Variants in ARHGEF26 observed in about 807,000 individuals in gnomAD.
ARHGEF26 encodes the protein Rho guanine nucleotide exchange factor (GEF) 26.
Under a neutral mutation model 89.4 loss-of-function variants are expected in ARHGEF26, and 59 were observed. That is an observed-to-expected ratio of 0.66 (90% CI 0.54 to 0.82). The LOEUF is 0.82. Among genes scored for constraint, ARHGEF26 ranks in the 40% least tolerant of loss-of-function variants. The probability of loss-of-function intolerance (pLI) is 0.00; values close to 1 mark genes in which losing one functional copy is unlikely to be tolerated. For synonymous variants in ARHGEF26, 500 were observed against 428.4 expected (o/e 1.17, Z -2.06); for missense variants, 1,234 against 1,085.6 (o/e 1.14, Z -1.92).
At chr3:154,242,955 C>T (rs754850216) in intron 12 of ARHGEF26, among the ~76,000 whole-genome samples, 8 of 152,124 alleles carry the variant, frequency 5.3e-5, no homozygotes, top group African/African-American at 2.4e-5. Flanking sequence ...TCTGTGTTTG[C>T]GGCTGTGGGG....
intron 9 of ARHGEF26, among the ~76,000 whole-genome samples, chr3:154,211,845 ATATG>A (rs1192050870): frequency 2.3e-5 from 3 of 130,388 alleles, no homozygotes; most frequent in African/African-American, 9.4e-5. Context: ...AAAATAATGT[ATATG>A]TGTGTGTGTA....
intron 9 of ARHGEF26, among the ~76,000 whole-genome samples, chr3:154,217,573 T>G (rs886405497): frequency 6.6e-6 from 1 of 152,196 alleles, no homozygotes. Context: ...GCACTCTGCT[T>G]AGATTTTGCC....
intron 6 of ARHGEF26, among the ~76,000 whole-genome samples, chr3:154,178,126 C>G (rs1459209386): frequency 2.0e-5 from 3 of 152,086 alleles, no homozygotes; most frequent in African/African-American, 7.2e-5. Flanking sequence ...ATCGCTTGAA[C>G]CCGGGAGGTG....
intron 6 of ARHGEF26, among the ~76,000 whole-genome samples, chr3:154,171,906 T>A (rs1330072292): frequency 6.6e-6 from 1 of 152,080 alleles, no homozygotes; most frequent in Non-Finnish European, 1.5e-5. Context: ...GAGAAGGAGA[T>A]GCCAGTGGGA....
At chr3:154,153,071 T>G (rs1720122560) in intron 6 of ARHGEF26, 139 bp downstream of exon 6, 1 of 800,200 alleles carries the variant, frequency 1.2e-6, no homozygotes, top group East Asian at 3.1e-5. Context: ...AAATACATTT[T>G]GAGATATGTT....
chr3:154,215,548 A>G (rs187848201), intron 9 of ARHGEF26, among the ~76,000 whole-genome samples: 3 of 152,182 alleles, frequency 2.0e-5, no homozygotes, highest in Admixed American at 2.0e-4. Context: ...TCTTAATTCA[A>G]GCTGCTGTAA....
intron 12 of ARHGEF26, among the ~76,000 whole-genome samples, chr3:154,241,878 G>A (rs189365660): frequency 3.9e-5 from 6 of 152,302 alleles, no homozygotes; most frequent in Middle Eastern, 3.4e-3. Flanking sequence ...GATGGGGTAG[G>A]GGATATTCTT....
At chr3:154,130,918 A>G (rs917430589) in intron 4 of ARHGEF26, among the ~76,000 whole-genome samples, 2 of 152,134 alleles carry the variant, frequency 1.3e-5, no homozygotes, top group Admixed American at 6.5e-5. Flanking sequence ...CCGTGGGAAT[A>G]TGTGTATGTA....
rs774165587 is a variant in ARHGEF26 at position 154,254,756 on chromosome 3, C to CT, written c.2406dup (p.Lys803Ter). The stretch of plus-strand genomic sequence containing the variant: ...GTGGAAATCGTTAGGTCATTTACTG[C>CT]TAAGCAGCCAGATGAACTCTCCCTG... On this transcript the variant is annotated frameshift_variant, in exon 14 of 15. Transcript: ENST00000465093. LOFTEE classifies it high-confidence loss of function. The CT allele has an allele frequency of 1.9e-5, 31 of 1,613,900 alleles. No homozygotes were observed. Among genetic ancestry groups the CT allele is most frequent in the Non-Finnish European group, 1.6e-5 (19 of 1,179,842 alleles).
Position 154,149,462 on chromosome 3 carries a change from C to T in ARHGEF26, c.1326+17C>T, listed in dbSNP as rs750833017. 107 of 1,599,772 alleles carry T rather than the reference C, an allele frequency of 6.7e-5. No individual in the cohort carries two copies. The highest frequency in any genetic ancestry group is 8.6e-5 in the Non-Finnish European group (101 of 1,172,344). ...AGACAAGAGGTATGTTTCTACCGAGCAGCTGCTTTAGAGCTCTGGAGTGTG... is the reference window on the plus strand; with the variant it reads ...AGACAAGAGGTATGTTTCTACCGAGTAGCTGCTTTAGAGCTCTGGAGTGTG... On this transcript the variant is annotated intron_variant, in intron 5 of 14. Coordinates refer to ENST00000465093, the MANE Select transcript of ARHGEF26 (RefSeq NM_015595.4).
At chr3:154,130,438 G>A (rs1000804699) in intron 4 of ARHGEF26, among the ~76,000 whole-genome samples, 26 of 152,096 alleles carry the variant, frequency 1.7e-4, no homozygotes, top group Admixed American at 7.2e-4. Context: ...ACCGCATCTA[G>A]CCCTTCCTTG....
chr3:154,194,818 C>CAA, intron 9 of ARHGEF26, 100 bp downstream of exon 9: 1 of 987,354 alleles, frequency 1.0e-6, no homozygotes, highest in East Asian at 2.6e-5. Context: ...GGTAGAGTCT[C>CAA]ACAGCCATTT....
chr3:154,226,089 T>C (rs1716468220), intron 11 of ARHGEF26, 79 bp downstream of exon 11: 2 of 1,244,340 alleles, frequency 1.6e-6, no homozygotes, highest in Non-Finnish European at 2.2e-6. Flanking sequence ...AGGGTGATCA[T>C]CCTTTAAAAG....
At position 154,216,512 on chromosome 3, in the gene ARHGEF26, T is replaced by A. The variant is rs200160040; in HGVS notation, c.1846-1357T>A. Among the ~76,000 whole-genome samples the A allele has an allele frequency of 8.6e-3, 1,262 of 147,386 alleles. 17 individuals are homozygous for A. Among genetic ancestry groups the A allele is most frequent in the African/African-American group, 0.021 (854 of 39,876 alleles). ...TTTTTATTTTTTTTTATTTTTTATT[T>A]TTTTTTTATGTCTATACAAAATATT... is the stretch of plus-strand genomic sequence containing the variant. On this transcript the variant is annotated intron_variant, in intron 9 of 14. Coordinates refer to ENST00000465093, the MANE Select transcript of ARHGEF26 (RefSeq NM_015595.4).
intron 6 of ARHGEF26, among the ~76,000 whole-genome samples, chr3:154,186,796 G>A (rs898846658): frequency 6.7e-6 from 1 of 149,090 alleles, no homozygotes; most frequent in African/African-American, 2.5e-5. Flanking sequence ...GGGAGGGAGG[G>A]ATTTAAATAT....
At chr3:154,239,311 TG>T (rs1717346095) in intron 11 of ARHGEF26, among the ~76,000 whole-genome samples, 2 of 58,972 alleles carry the variant, frequency 3.4e-5, no homozygotes, top group East Asian at 3.7e-4. Context: ...TGTGTGTGTG[TG>T]TGTGTGTGTG....
intron 9 of ARHGEF26, among the ~76,000 whole-genome samples, chr3:154,204,133 C>CT (rs1445847734): frequency 6.6e-6 from 1 of 151,930 alleles, no homozygotes; most frequent in East Asian, 1.9e-4. Flanking sequence ...TCAGGCTTTG[C>CT]TTTACTGGGA....
chr3:154,142,915 C>A (rs535445102), intron 4 of ARHGEF26, among the ~76,000 whole-genome samples: 3 of 152,148 alleles, frequency 2.0e-5, no homozygotes, highest in African/African-American at 7.2e-5. Flanking sequence ...TGATTAAAAT[C>A]TTTCTTTCTT....
chr3:154,142,516 C>T lies in ARHGEF26; in HGVS notation c.1270-6873C>T, dbSNP rs1157235062. 2.0e-5 allele frequency among the ~76,000 whole-genome samples: 3 copies of T among 152,170 alleles called. No homozygotes were observed. The South Asian group carries it at 6.2e-4, about 32-fold the overall frequency. On this transcript the variant is annotated intron_variant, in intron 4 of 14. Coordinates refer to ENST00000465093, the MANE Select transcript of ARHGEF26 (RefSeq NM_015595.4). ...TGGAAAGCATCAGTTTACTCTATTA[C>T]CCATTTTTCAGAAACAGATTTTGCT...
Sources: gnomAD v4.1 joint callset for allele counts (sites outside exome capture counted in the v4.1 genomes callset) on GRCh38, gnomAD v4.1.1 for gene constraint, MANE v1.5 for transcripts, NCBI Gene and HGNC (gene_info 2026-07-23, HGNC 2026-07-21) for gene names.